Variants in FMN1 observed in about 807,000 individuals in gnomAD.
FMN1 encodes the protein formin-1.
In FMN1, 110 loss-of-function variants were observed where a neutral mutation model predicts 132.4. The observed-to-expected ratio is 0.83, with a 90% CI of 0.71 to 0.97. The LOEUF is 0.97. Ranked by LOEUF, FMN1 falls within the 50% of genes least tolerant of loss-of-function variation. The probability of loss-of-function intolerance (pLI) is 0.00; values close to 1 mark genes in which losing one functional copy is unlikely to be tolerated. For synonymous variants in FMN1, 722 were observed against 651.7 expected (o/e 1.11, Z -1.64); for missense variants, 1,792 against 1,705.3 (o/e 1.05, Z -0.90).
At chr15:32,809,578 A>G (rs2057802316) in intron 17 of FMN1, among the ~76,000 whole-genome samples, 1 of 151,982 alleles carries the variant, frequency 6.6e-6, no homozygotes, top group South Asian at 2.1e-4. Flanking sequence ...ATTTTTGGGC[A>G]CTTTGCTCCT....
At chr15:33,096,899 G>A (rs950369642) in intron 4 of FMN1, among the ~76,000 whole-genome samples, 6 of 152,236 alleles carry the variant, frequency 3.9e-5, no homozygotes, top group Admixed American at 2.6e-4. Flanking sequence ...AACTCGCCTC[G>A]CTGCCCCATT....
Position 32,902,000 on chromosome 15 carries a change from G to A in FMN1, c.3418C>T (p.Arg1140Cys), listed in dbSNP as rs1210128640. The part of the protein sequence containing the change: ...ELAQIPNFAE[R>C]AQCIIFRSVF... ...GATCTGAAGATTATGCACTGGGCAC[G>A]TTCAGCAAAATTAGGAATCTGGGCT... The change falls in exon 13 of 21, where the codon CGT (arginine) becomes TGT (cysteine). Residue 1140 changes from arginine to cysteine, a missense_variant. Physicochemically the swap from Arg to Cys is radical, Grantham distance 180. Around this residue, in one of 3 missense-constraint regions of FMN1, gnomAD observed 1,150 missense variants for 1,043.1 expected, o/e 1.10. Coordinates refer to ENST00000616417, the MANE Select transcript of FMN1 (RefSeq NM_001277313.2). 4.3e-6 allele frequency: 7 copies of A among 1,612,968 alleles called. No individual in the cohort carries two copies. The highest frequency in any genetic ancestry group is 2.7e-5 in the African/African-American group (2 of 75,000).
chr15:33,012,754 G>A (rs186665924), intron 6 of FMN1: 244 of 729,516 alleles, frequency 3.3e-4, no homozygotes, highest in Non-Finnish European at 4.8e-4. Context: ...TGGTGGGAAC[G>A]ACATCTTTGG....
chr15:33,109,036 A>C (rs897873660), intron 4 of FMN1, among the ~76,000 whole-genome samples: 1 of 152,042 alleles, frequency 6.6e-6, no homozygotes, highest in Non-Finnish European at 1.5e-5. Flanking sequence ...TAAACTAAAC[A>C]ACCTAGCAAA....
intron 9 of FMN1, among the ~76,000 whole-genome samples, chr15:32,949,649 A>G (rs1186866056): frequency 1.3e-5 from 2 of 151,980 alleles, no homozygotes; most frequent in Admixed American, 6.6e-5. Flanking sequence ...GCACAGGCAA[A>G]TATTTCATGA....
intron 17 of FMN1, among the ~76,000 whole-genome samples, chr15:32,835,007 G>A (rs2058589387): frequency 6.6e-6 from 1 of 152,240 alleles, no homozygotes; most frequent in African/African-American, 2.4e-5. Flanking sequence ...TACTCTCAGA[G>A]GGAAGGCATC....
intron 5 of FMN1, among the ~76,000 whole-genome samples, chr15:33,075,400 T>A (rs774045000): frequency 6.6e-6 from 1 of 152,112 alleles, no homozygotes; most frequent in Non-Finnish European, 1.5e-5. Context: ...ATATATGCAC[T>A]TGGGCAGAAG....
At chr15:32,910,585 C>A in intron 10 of FMN1, 50 bp from the exon 11 acceptor site, 1 of 1,360,298 alleles carries the variant, frequency 7.4e-7, no homozygotes, top group South Asian at 1.2e-5. Context: ...ATTAGGTCCC[C>A]TGCACCAATG....
intron 4 of FMN1, among the ~76,000 whole-genome samples, chr15:33,126,138 C>CTAAA (rs369620820): frequency 6.6e-6 from 1 of 151,894 alleles, no homozygotes; most frequent in East Asian, 1.9e-4. Context: ...CAGCTGCTGA[C>CTAAA]TAAATGAGTT....
intron 8 of FMN1, among the ~76,000 whole-genome samples, chr15:32,966,303 A>G (rs2031219023): frequency 6.6e-6 from 1 of 152,096 alleles, no homozygotes; most frequent in Non-Finnish European, 1.5e-5. Flanking sequence ...TTACAACACT[A>G]TTTCTATGGG....
chr15:33,049,282 C>T (rs997227142), intron 6 of FMN1, among the ~76,000 whole-genome samples: 2 of 152,140 alleles, frequency 1.3e-5, no homozygotes, highest in Non-Finnish European at 2.9e-5. Flanking sequence ...TAGGCCCCAA[C>T]AGACAAAACC....
At chr15:33,030,359 C>T (rs1359994571) in intron 6 of FMN1, among the ~76,000 whole-genome samples, 1 of 152,112 alleles carries the variant, frequency 6.6e-6, no homozygotes, top group Admixed American at 6.5e-5. Context: ...TGAATGTGAC[C>T]GGAAAAGTTC....
At chr15:32,861,511 C>T (rs2059267546) in intron 16 of FMN1, among the ~76,000 whole-genome samples, 1 of 152,174 alleles carries the variant, frequency 6.6e-6, no homozygotes, top group African/African-American at 2.4e-5. Flanking sequence ...ATGGGGACCT[C>T]CCGCAACACA....
intron 16 of FMN1, among the ~76,000 whole-genome samples, chr15:32,887,905 T>C (rs1022634479): frequency 3.9e-5 from 6 of 152,184 alleles, no homozygotes; most frequent in Non-Finnish European, 7.3e-5. Flanking sequence ...TCATTAATAA[T>C]GTTATAACTA....
intron 18 of FMN1, among the ~76,000 whole-genome samples, chr15:32,802,272 T>C (rs1567190236): frequency 6.6e-6 from 1 of 152,218 alleles, no homozygotes; most frequent in Non-Finnish European, 1.5e-5. Context: ...AGACAATGAT[T>C]ACATCAAAGA....
At chr15:32,797,227 C>G (rs2057318821) in intron 19 of FMN1, among the ~76,000 whole-genome samples, 1 of 152,138 alleles carries the variant, frequency 6.6e-6, no homozygotes, top group South Asian at 2.1e-4. Flanking sequence ...ACATATAAAG[C>G]AATTAATTGC....
intron 4 of FMN1, among the ~76,000 whole-genome samples, chr15:33,139,481 C>T (rs529310471): frequency 1.5e-3 from 224 of 152,324 alleles, no homozygotes; most frequent in Non-Finnish European, 2.5e-3. Context: ...ATCCCAACTA[C>T]TCAGGAGGCT....
At chr15:33,069,567 T>C (rs1349391990) in intron 5 of FMN1, among the ~76,000 whole-genome samples, 1 of 152,232 alleles carries the variant, frequency 6.6e-6, no homozygotes. Flanking sequence ...ATGTCACACA[T>C]TGATAACTTG....
intron 16 of FMN1, among the ~76,000 whole-genome samples, chr15:32,873,159 T>C (rs1022437381): frequency 6.6e-6 from 1 of 152,222 alleles, no homozygotes; most frequent in Admixed American, 6.5e-5. Flanking sequence ...TGTGTCTCAC[T>C]TAATGCCTGT....
Sources: gnomAD v4.1 joint callset for allele counts (sites outside exome capture counted in the v4.1 genomes callset) on GRCh38, gnomAD v4.1.1 for gene constraint, gnomAD v4.1.1 regional missense constraint, MANE v1.5 for transcripts, NCBI Gene and HGNC (gene_info 2026-07-23, HGNC 2026-07-21) for gene names.